UBE2F: variants seen among roughly 807,000 people sequenced by gnomAD.
UBE2F encodes the protein NEDD8-conjugating enzyme UBE2F.
Under a neutral mutation model 29.6 loss-of-function variants are expected in UBE2F, and 5 were observed. The ratio of observed to expected loss-of-function variants is 0.17; its 90% CI spans 0.09 to 0.36. The LOEUF (loss-of-function observed/expected upper bound fraction) is 0.36, where lower values mean the gene tolerates loss of function less well. UBE2F is among the 10% of genes least tolerant of loss of function. The pLI is 1.00. For synonymous variants in UBE2F, 66 were observed against 81.8 expected, an observed-to-expected ratio of 0.81 and a Z score of 1.04; for missense variants, 141 against 228.5, an observed-to-expected ratio of 0.62 and a Z score of 2.47.
intron 5 of UBE2F, among the ~76,000 whole-genome samples, chr2:238,020,957 G>A (rs115227879): frequency 0.023 from 3,508 of 152,290 alleles, 57 homozygotes; most frequent in Non-Finnish European, 0.036. Context: ...CCTCAGGCTG[G>A]TGGGGACGCC....
chr2:238,035,726 C>A, intron 8 of UBE2F, 152 bp from the exon 9 acceptor site: 1 of 592,600 alleles, frequency 1.7e-6, no homozygotes, highest in South Asian at 2.3e-5. Flanking sequence ...ATTTTGGTAT[C>A]ACAAGCACTT....
intron 6 of UBE2F, 128 bp downstream of exon 6, chr2:238,025,540 G>T: frequency 1.2e-6 from 1 of 817,460 alleles, no homozygotes. Context: ...CTTGAACTCA[G>T]CTGAAGTAGC....
intron 6 of UBE2F, 98 bp from the exon 7 acceptor site, chr2:238,030,455 AAGT>A: frequency 1.3e-6 from 1 of 785,436 alleles, no homozygotes; most frequent in Non-Finnish European, 2.1e-6. Flanking sequence ...GTTTAATAAA[AAGT>A]AGAGCTCCTG....
At chr2:238,005,254 G>A (rs554099944) in intron 4 of UBE2F, among the ~76,000 whole-genome samples, 1 of 152,240 alleles carries the variant, frequency 6.6e-6, no homozygotes, top group South Asian at 2.1e-4. Flanking sequence ...GGAATGCAGT[G>A]TCACGATCAT....
At chr2:238,022,741 A>G (rs528467014) in intron 5 of UBE2F, among the ~76,000 whole-genome samples, 1 of 152,230 alleles carries the variant, frequency 6.6e-6, no homozygotes, top group Non-Finnish European at 1.5e-5. Context: ...GTCATACATT[A>G]GGCTTCTGGC....
chr2:238,041,183 G>A, intron 9 of UBE2F, 105 bp from the exon 10 acceptor site: 3 of 1,134,222 alleles, frequency 2.6e-6, no homozygotes, highest in Non-Finnish European at 4.0e-6. Context: ...GGCGACCACA[G>A]GGGACCTTGG....
chr2:237,997,744 T>G (rs1453608609), intron 4 of UBE2F, among the ~76,000 whole-genome samples: 2 of 152,222 alleles, frequency 1.3e-5, no homozygotes, highest in Non-Finnish European at 1.5e-5. Context: ...TTGCTAACAT[T>G]TTGATAGTTT....
chr2:238,004,043 T>C (rs1248397945), intron 4 of UBE2F, among the ~76,000 whole-genome samples: 1 of 152,250 alleles, frequency 6.6e-6, no homozygotes, highest in Non-Finnish European at 1.5e-5. Flanking sequence ...TCCCACTTAG[T>C]GTAATGCTTT....
intron 1 of UBE2F, among the ~76,000 whole-genome samples, chr2:237,972,462 C>T (rs1436529631): frequency 3.3e-5 from 5 of 152,076 alleles, no homozygotes; most frequent in Admixed American, 3.3e-4. Context: ...ACCTTGTGTT[C>T]CACGGGAGCT....
chr2:237,978,408 G>A (rs562391175), intron 2 of UBE2F, among the ~76,000 whole-genome samples: 3 of 152,338 alleles, frequency 2.0e-5, no homozygotes, highest in African/African-American at 4.8e-5. Context: ...AGGGCCAGTG[G>A]TATCTGCACA....
intron 2 of UBE2F, chr2:237,973,785 AATGT>A: frequency 9.9e-7 from 1 of 1,015,000 alleles, no homozygotes; most frequent in Non-Finnish European, 1.3e-6. Flanking sequence ...GGGTTGGTAA[AATGT>A]ATGAGAGTAT....
At chr2:238,029,255 C>G (rs778702100) in intron 6 of UBE2F, among the ~76,000 whole-genome samples, 1 of 147,458 alleles carries the variant, frequency 6.8e-6, no homozygotes, top group Non-Finnish European at 1.5e-5. Flanking sequence ...ATCTTTTATC[C>G]TCAAGCTTTT....
chr2:237,996,076 C>T (rs1186893356), intron 4 of UBE2F, among the ~76,000 whole-genome samples: 1 of 152,194 alleles, frequency 6.6e-6, no homozygotes, highest in Non-Finnish European at 1.5e-5. Context: ...GATCCTTTGG[C>T]TGCCTTCCTA....
chr2:237,985,199 A>G (rs777267717), intron 2 of UBE2F, among the ~76,000 whole-genome samples: 1 of 152,150 alleles, frequency 6.6e-6, no homozygotes, highest in Non-Finnish European at 1.5e-5. Flanking sequence ...TAATATATTC[A>G]TCTTCTTGTA....
At position 238,008,637 on chromosome 2, in the gene UBE2F, T is replaced by A. The variant is rs964393878; in HGVS notation, c.215-7929T>A. 7.2e-5 allele frequency among the ~76,000 whole-genome samples: 11 copies of A among 152,226 alleles called. No homozygotes were observed. In the East Asian group the frequency reaches 2.1e-3, roughly 29 times the overall value. ...ACTTTTAGGTTCATTGATTTTGCCCTGTTGTTTTTTGAATTTTGTTCATGT... is the reference window on the plus strand; with the variant it reads ...ACTTTTAGGTTCATTGATTTTGCCCAGTTGTTTTTTGAATTTTGTTCATGT... On this transcript the variant is annotated intron_variant, in intron 4 of 9. Transcript: ENST00000272930.
At chr2:238,038,942 T>C (rs1396457776) in intron 9 of UBE2F, among the ~76,000 whole-genome samples, 1 of 152,104 alleles carries the variant, frequency 6.6e-6, no homozygotes, top group East Asian at 1.9e-4. Context: ...GGAGCATAGG[T>C]GAACAAACAC....
rs892511515 is a variant in UBE2F, at chr2:238,040,768, C to T, written c.508-520C>T. 2.0e-5 allele frequency among the ~76,000 whole-genome samples: 3 copies of T among 152,044 alleles called. No individual in the cohort carries two copies. The highest frequency in any genetic ancestry group is 4.4e-5 in the Non-Finnish European group (3 of 68,000). On this transcript the variant is annotated intron_variant, in intron 9 of 9. Coordinates refer to ENST00000272930, the MANE Select transcript of UBE2F (RefSeq NM_080678.3). This position sits in a 1 kb window ranked among gnomAD's most constrained non-coding sequence, Gnocchi z 4.4. ...ATGAGGATGGAGCTCTGTGGCACAC[C>T]CAGCTCTCTTCTGGGCAGGGTGGTC...
At chr2:238,009,277 T>C (rs2106373767) in intron 4 of UBE2F, among the ~76,000 whole-genome samples, 1 of 152,364 alleles carries the variant, frequency 6.6e-6, no homozygotes, top group Non-Finnish European at 1.5e-5. Flanking sequence ...TCATCCAATT[T>C]AGAAATAATT....
At chr2:237,989,710 AAT>A (rs1393669385) in intron 3 of UBE2F, among the ~76,000 whole-genome samples, 1 of 152,168 alleles carries the variant, frequency 6.6e-6, no homozygotes, top group Non-Finnish European at 1.5e-5. Flanking sequence ...TGTGATATAA[AAT>A]ATGTTTCTTA....
Sources: allele counts gnomAD v4.1 joint callset (sites outside exome capture counted in the v4.1 genomes callset), GRCh38; gene constraint gnomAD v4.1.1; non-coding constraint Gnocchi (gnomAD v3.1); transcripts MANE v1.5; gene names NCBI Gene and HGNC (gene_info 2026-07-23, HGNC 2026-07-21).